Variants in FGGY observed in about 807,000 individuals in gnomAD.
The protein encoded by FGGY is FGGY carbohydrate kinase domain-containing protein.
Under a neutral mutation model 71.3 loss-of-function variants are expected in FGGY, and 72 were observed. The ratio of observed to expected loss-of-function variants is 1.01; its 90% CI spans 0.84 to 1.23. The LOEUF (loss-of-function observed/expected upper bound fraction) is 1.23. Among genes scored for constraint, FGGY ranks in the 50% most tolerant of loss-of-function variants. The pLI, the probability that FGGY is intolerant of heterozygous loss-of-function variation, is 0.00. For synonymous variants in FGGY, 251 were observed against 250.3 expected, an observed-to-expected ratio of 1.00 and a Z score of -0.02; for missense variants, 668 against 682.3, an observed-to-expected ratio of 0.98 and a Z score of 0.23.
At chr1:59,653,474 G>A (rs139841291) in intron 11 of FGGY, among the ~76,000 whole-genome samples, 14,994 of 152,118 alleles carry the variant, frequency 0.099, 849 homozygotes, top group South Asian at 0.29. Context: ...TTTTTAAGCC[G>A]GTCTGAAAAG....
intron 7 of FGGY, among the ~76,000 whole-genome samples, chr1:59,513,957 A>G (rs1278088526): frequency 6.6e-6 from 1 of 152,238 alleles, no homozygotes; most frequent in East Asian, 1.9e-4. Flanking sequence ...AGTGCCTAAG[A>G]ATTAGTAAAC....
At chr1:59,425,949 A>G (rs946576) in intron 5 of FGGY, among the ~76,000 whole-genome samples, 96,117 of 151,954 alleles carry the variant, frequency 0.63, 30,521 homozygotes, top group African/African-American at 0.68. Flanking sequence ...TTCACAATTC[A>G]TATTTTTTTT....
At chr1:59,530,438 C>T (rs2095110435) in intron 7 of FGGY, among the ~76,000 whole-genome samples, 1 of 152,084 alleles carries the variant, frequency 6.6e-6, no homozygotes, top group South Asian at 2.1e-4. Context: ...AGTCTCTGTC[C>T]TCAAAGAGCT....
rs776293043 is a variant in FGGY, at chr1:59,746,658, A to AT, written c.1513-11268dup. On this transcript the variant is annotated intron_variant, in intron 14 of 15. Transcript: ENST00000303721. Reference sequence around the variant, plus strand: ...AAACACGTACCATCACACCTGGCTAATTTTTATTTTATGTTTTTGTTGAGA... The same window carrying AT: ...AAACACGTACCATCACACCTGGCTAATTTTTTATTTTATGTTTTTGTTGAGA... Among the ~76,000 whole-genome samples, 26 of 151,958 alleles carry AT rather than the reference A, an allele frequency of 1.7e-4. 1 individual carries two copies. The highest frequency in any genetic ancestry group is 1.5e-5 in the Non-Finnish European group (1 of 68,000).
chr1:59,430,737 C>T (rs906073665), intron 5 of FGGY, among the ~76,000 whole-genome samples: 1 of 152,122 alleles, frequency 6.6e-6, no homozygotes, highest in African/African-American at 2.4e-5. Flanking sequence ...TCATATATCT[C>T]AGTGTCGTCA....
chr1:59,673,986 TCA>T lies in FGGY; in HGVS notation c.1418-49_1418-48del. The T allele has an allele frequency of 3.9e-6, 6 of 1,550,938 alleles. No individual in the cohort carries two copies. The South Asian group carries it at 6.9e-5, about 18-fold the overall frequency. The stretch of plus-strand genomic sequence containing the variant: ...GCCACTGCGGCTGCTTGTTGGCTCC[TCA>T]CACTCCCCTGGCTCTGCTCCCTAAC... On this transcript the variant is annotated intron_variant, in intron 13 of 15. Coordinates refer to ENST00000303721, the MANE Select transcript of FGGY (RefSeq NM_018291.5).
intron 6 of FGGY, among the ~76,000 whole-genome samples, chr1:59,490,294 C>G (rs1398795323): frequency 6.6e-6 from 1 of 152,156 alleles, no homozygotes; most frequent in Non-Finnish European, 1.5e-5. Context: ...AAGCAATCCT[C>G]CAGTGTCAGC....
chr1:59,670,129 G>A (rs905280156), intron 13 of FGGY, among the ~76,000 whole-genome samples: 9 of 152,222 alleles, frequency 5.9e-5, no homozygotes, highest in African/African-American at 2.2e-4. Context: ...TGACTGACAA[G>A]TGATGGCAAA....
intron 8 of FGGY, among the ~76,000 whole-genome samples, chr1:59,566,757 C>A (rs2095878559): frequency 6.6e-6 from 1 of 152,070 alleles, no homozygotes; most frequent in African/African-American, 2.4e-5. Context: ...GACAGTGATA[C>A]TGTCATGTAT....
chr1:59,402,720 C>T (rs1181625952), intron 5 of FGGY, among the ~76,000 whole-genome samples: 2 of 152,148 alleles, frequency 1.3e-5, no homozygotes, highest in African/African-American at 4.8e-5. Context: ...GGTAGCAGCT[C>T]TGTGGTTCAG....
intron 4 of FGGY, among the ~76,000 whole-genome samples, chr1:59,374,571 T>C (rs2058311032): frequency 2.0e-5 from 3 of 152,138 alleles, no homozygotes; most frequent in African/African-American, 7.2e-5. Flanking sequence ...CCCAAAGGAC[T>C]ATAAATCATG....
intron 12 of FGGY, among the ~76,000 whole-genome samples, chr1:59,666,882 A>G (rs773518685): frequency 1.1e-4 from 17 of 152,224 alleles, no homozygotes; most frequent in Non-Finnish European, 2.5e-4. Context: ...AAGACTGACC[A>G]AGATACCATT....
At chr1:59,546,526 G>GATTATTATTATTATTATT (rs1491446340) in intron 7 of FGGY, among the ~76,000 whole-genome samples, 3 of 89,168 alleles carry the variant, frequency 3.4e-5, no homozygotes, top group African/African-American at 1.9e-4. Context: ...TGATGATGAT[G>GATTATTATTATTATTATT]ATGATGATGA....
chr1:59,473,983 A>G (rs896184606), intron 6 of FGGY: 4 of 152,220 alleles, frequency 2.6e-5, no homozygotes, highest in African/African-American at 9.6e-5. Flanking sequence ...GTCACAGGGC[A>G]GTGTGGTTTA....
At chr1:59,745,996 T>C (rs1483111542) in intron 14 of FGGY, among the ~76,000 whole-genome samples, 1 of 152,056 alleles carries the variant, frequency 6.6e-6, no homozygotes, top group Admixed American at 6.5e-5. Context: ...GAAATGGAGA[T>C]GAAGGTCCCG....
At chr1:59,425,245 G>A (rs759302713) in intron 5 of FGGY, among the ~76,000 whole-genome samples, 35 of 152,186 alleles carry the variant, frequency 2.3e-4, no homozygotes, top group East Asian at 3.8e-4. Context: ...TTTGGATGAC[G>A]TAGTAACATT....
chr1:59,707,462 T>A (rs947662370), intron 14 of FGGY, among the ~76,000 whole-genome samples: 3 of 152,194 alleles, frequency 2.0e-5, no homozygotes, highest in Admixed American at 6.5e-5. Context: ...ACAGGGGCAG[T>A]AGGCCCGGAG....
At chr1:59,538,919 G>A (rs950377636) in intron 7 of FGGY, among the ~76,000 whole-genome samples, 11 of 151,754 alleles carry the variant, frequency 7.2e-5, no homozygotes, top group South Asian at 2.1e-4. Context: ...TACGTGCAGC[G>A]CACCAACATG....
At chr1:59,460,620 C>T (rs750202672) in intron 6 of FGGY, among the ~76,000 whole-genome samples, 7 of 152,200 alleles carry the variant, frequency 4.6e-5, no homozygotes, top group Non-Finnish European at 7.3e-5. Context: ...CCCTCACCCC[C>T]GTGTAGCCTA....
Sources: gnomAD v4.1 joint callset for allele counts (sites outside exome capture counted in the v4.1 genomes callset) on GRCh38, gnomAD v4.1.1 for gene constraint, MANE v1.5 for transcripts, NCBI Gene and HGNC (gene_info 2026-07-23, HGNC 2026-07-21) for gene names.